CCM2: variants seen among roughly 807,000 people sequenced by gnomAD.
The protein encoded by CCM2 is CCM2 scaffold protein.
A neutral mutation model predicts 44.9 loss-of-function variants in CCM2; 25 were observed. The ratio of observed to expected loss-of-function variants is 0.56; its 90% CI spans 0.41 to 0.78. The LOEUF (loss-of-function observed/expected upper bound fraction) is 0.78. Among genes scored for constraint, CCM2 ranks in the 30% least tolerant of loss-of-function variants. The pLI is 0.00. For synonymous variants in CCM2, 219 were observed against 241.1 expected (o/e 0.91, Z 0.85); for missense variants, 481 against 580.6 (o/e 0.83, Z 1.76).
At position 45,064,500 on chromosome 7, in the gene CCM2, A is replaced by G; in HGVS notation, c.326A>G (p.His109Arg). 1.2e-6 allele frequency: 2 copies of G among 1,613,756 alleles called. No individual in the cohort carries two copies. Among genetic ancestry groups the G allele is most frequent in the South Asian group, 2.2e-5 (2 of 91,054 alleles). The change falls in exon 4 of 10, where the codon CAC (histidine) becomes CGC (arginine). Residue 109 changes from histidine to arginine, a missense_variant. Coordinates refer to ENST00000258781, the MANE Select transcript of CCM2 (RefSeq NM_031443.4). ...HQLPGHLTQE[H>R]DAVLSLSAYN... ...CTTCCGGGACACTTGACTCAGGAGC[A>G]CGATGCTGTGCTCAGCCTGTCTGCG... is the stretch of plus-strand genomic sequence containing the variant.
chr7:45,034,094 G>A (rs1490921372), intron 1 of CCM2, among the ~76,000 whole-genome samples: 3 of 152,164 alleles, frequency 2.0e-5, no homozygotes, highest in African/African-American at 7.2e-5. Context: ...AATGAAGCCC[G>A]AAAGTGCCTT....
At chr7:45,073,644 G>A in intron 8 of CCM2, 73 bp downstream of exon 8, 1 of 1,055,294 alleles carries the variant, frequency 9.5e-7, no homozygotes, top group Non-Finnish European at 1.4e-6. Flanking sequence ...GGGAAGGGGA[G>A]GAGGAGGAGG....
intron 2 of CCM2, chr7:45,043,655 TTTAA>T: frequency 2.7e-6 from 1 of 375,656 alleles, no homozygotes; most frequent in Non-Finnish European, 5.1e-6. Context: ...GTGGAGAAAT[TTTAA>T]TTAACATTTC....
intron 9 of CCM2, 104 bp from the exon 10 acceptor site, chr7:45,075,673 C>A: frequency 7.0e-7 from 1 of 1,435,260 alleles, no homozygotes; most frequent in Non-Finnish European, 9.8e-7. Context: ...AGGCCATGCA[C>A]CAGGGGCAGC....
chr7:45,068,675 A>G lies in CCM2; in HGVS notation c.609+96A>G, dbSNP rs1798907017. 3.4e-6 allele frequency: 5 copies of G among 1,483,526 alleles called. No individual in the cohort carries two copies. In the South Asian group the frequency reaches 5.7e-5, roughly 17 times the overall value. 91.9% of individuals were successfully genotyped at this position (1,483,526 alleles called of 1,614,324 possible). A position where few individuals can be genotyped will look rare whatever the true frequency, so the allele number is the denominator to read the frequency against. ...GGCCACACCCAGCACAGTGCTGGGCACTGCTGGGTGCCCCAGCTACTTCCT... is the reference window on the plus strand; with the variant it reads ...GGCCACACCCAGCACAGTGCTGGGCGCTGCTGGGTGCCCCAGCTACTTCCT... On this transcript the variant is annotated intron_variant, in intron 5 of 9. Transcript: ENST00000258781.
intron 1 of CCM2, among the ~76,000 whole-genome samples, chr7:45,016,983 A>G (rs1796294450): frequency 6.6e-6 from 1 of 150,728 alleles, no homozygotes; most frequent in Non-Finnish European, 1.5e-5. Flanking sequence ...GTTAGCCAGG[A>G]TGGTCTCGAT....
At chr7:45,028,747 C>T (rs1349902053) in intron 1 of CCM2, among the ~76,000 whole-genome samples, 4 of 151,686 alleles carry the variant, frequency 2.6e-5, no homozygotes, top group Non-Finnish European at 5.9e-5. Context: ...TCTCCAGCAC[C>T]GAGGAAAGGT....
intron 2 of CCM2, among the ~76,000 whole-genome samples, chr7:45,053,888 A>G (rs1360279189): frequency 6.6e-6 from 1 of 152,100 alleles, no homozygotes; most frequent in African/African-American, 2.4e-5. Context: ...CGATACCTGG[A>G]TCCACTTTGC....
intron 1 of CCM2, chr7:45,027,080 C>CG (rs1359073722): frequency 6.3e-6 from 1 of 158,634 alleles, no homozygotes; most frequent in East Asian, 1.8e-4. Context: ...GCTGCTGACT[C>CG]AAACTCATGA....
chr7:45,046,251 ATTC>A (rs1197688514), intron 2 of CCM2, among the ~76,000 whole-genome samples: 9 of 152,250 alleles, frequency 5.9e-5, no homozygotes, highest in Non-Finnish European at 1.3e-4. Flanking sequence ...ATTTCAAGCT[ATTC>A]TTGAAATTTA....
chr7:45,042,265 C>CAAAAAAACAAAAAAAAA (rs1797545290), intron 2 of CCM2, among the ~76,000 whole-genome samples: 1 of 102,416 alleles, frequency 9.8e-6, no homozygotes, highest in African/African-American at 4.8e-5. Context: ...GATTCCATCT[C>CAAAAAAACAAAAAAAAA]AAAAAAAAAA....
intron 1 of CCM2, among the ~76,000 whole-genome samples, chr7:45,005,464 G>A (rs1381683116): frequency 1.3e-5 from 2 of 152,236 alleles, no homozygotes; most frequent in African/African-American, 2.4e-5. Flanking sequence ...CAGACGAGAA[G>A]GGCGTCTGCA....
chr7:45,075,949 T>C lies in CCM2; in HGVS notation c.1227T>C (p.Ser409=). The C allele has an allele frequency of 1.2e-6, 2 of 1,613,182 alleles. No individual in the cohort carries two copies. The highest frequency in any genetic ancestry group is 1.7e-6 in the Non-Finnish European group (2 of 1,180,022). Residue 409 remains serine (S), a synonymous_variant, in exon 10 of 10, where the codon TCT becomes TCC. Coordinates refer to ENST00000258781, the MANE Select transcript of CCM2 (RefSeq NM_031443.4). ...ATGGGAACAGGGCCACGGGCAGCTC[T>C]GATGACCGGTCGGCACCCTCAGAGG... ...TTNGNRATGS[S]DDRSAPSEGD...
intron 6 of CCM2, 196 bp from the exon 7 acceptor site, chr7:45,072,530 G>A: frequency 1.5e-6 from 1 of 663,554 alleles, no homozygotes; most frequent in South Asian, 1.6e-5. Context: ...AGGGGTGTAT[G>A]TGGGCTCAAG....
intron 2 of CCM2, among the ~76,000 whole-genome samples, chr7:45,062,570 C>T (rs1295609041): frequency 6.6e-6 from 1 of 152,214 alleles, no homozygotes; most frequent in Non-Finnish European, 1.5e-5. Context: ...CATGGTGCCT[C>T]ACACCTGTAA....
intron 1 of CCM2, among the ~76,000 whole-genome samples, chr7:45,030,995 A>T (rs1796939504): frequency 6.6e-6 from 1 of 151,908 alleles, no homozygotes; most frequent in East Asian, 1.9e-4. Flanking sequence ...AAGTGGTGTG[A>T]TTACAGGCGT....
chr7:45,061,134 G>A (rs1241699051), intron 2 of CCM2, among the ~76,000 whole-genome samples: 1 of 152,186 alleles, frequency 6.6e-6, no homozygotes, highest in Non-Finnish European at 1.5e-5. Context: ...TCTGAGGCCT[G>A]CAGTTCTTAT....
At chr7:45,062,110 G>A (rs1369222573) in intron 2 of CCM2, among the ~76,000 whole-genome samples, 2 of 152,198 alleles carry the variant, frequency 1.3e-5, no homozygotes, top group African/African-American at 2.4e-5. Flanking sequence ...TTATCTGATG[G>A]ATCTGAGAAC....
chr7:45,007,661 C>A (rs1454083335), intron 1 of CCM2, among the ~76,000 whole-genome samples: 2 of 152,030 alleles, frequency 1.3e-5, no homozygotes, highest in African/African-American at 4.8e-5. Flanking sequence ...AAAGTGATCC[C>A]CTTTAATAAG....
Sources: gnomAD v4.1 joint callset for allele counts (sites outside exome capture counted in the v4.1 genomes callset) on GRCh38, gnomAD v4.1.1 for gene constraint, MANE v1.5 for transcripts, NCBI Gene and HGNC (gene_info 2026-07-23, HGNC 2026-07-21) for gene names.